The following ROBO2 variants were observed in gnomAD, a reference collection of about 807,000 sequenced individuals.
The protein encoded by ROBO2 is roundabout homolog 2.
In ROBO2, 53 loss-of-function variants were observed where a neutral mutation model predicts 160.8. The ratio of observed to expected loss-of-function variants is 0.33; its 90% CI spans 0.26 to 0.41. The LOEUF is 0.41. Ranked by LOEUF, ROBO2 falls within the 10% of genes least tolerant of loss-of-function variation. The pLI is 1.00. For missense variants in ROBO2, 1,577 were observed against 1,722.4 expected, an observed-to-expected ratio of 0.92 and a Z score of 1.49; for synonymous variants, 664 against 611.7, an observed-to-expected ratio of 1.09 and a Z score of -1.26.
intron 2 of ROBO2, among the ~76,000 whole-genome samples, chr3:75,953,784 G>A (rs1422223318): frequency 1.3e-5 from 2 of 151,822 alleles, no homozygotes; most frequent in Non-Finnish European, 2.9e-5. Context: ...CTCAATTCAA[G>A]AACAGATTAC....
intron 2 of ROBO2, among the ~76,000 whole-genome samples, chr3:76,887,492 G>A (rs906336495): frequency 1.3e-5 from 2 of 152,044 alleles, no homozygotes; most frequent in Admixed American, 6.6e-5. Context: ...TGCATCAAGG[G>A]GGTTGTGCGG....
At chr3:77,541,182 T>C (rs1480530817) in intron 6 of ROBO2, among the ~76,000 whole-genome samples, 1 of 152,208 alleles carries the variant, frequency 6.6e-6, no homozygotes, top group East Asian at 1.9e-4. Flanking sequence ...CATATGAATG[T>C]ACGTAGCTGT....
intron 2 of ROBO2, among the ~76,000 whole-genome samples, chr3:77,153,970 C>T (rs937984688): frequency 2.6e-5 from 4 of 152,004 alleles, no homozygotes; most frequent in African/African-American, 7.2e-5. Context: ...AAGTAGAAAA[C>T]TGTCTCCTTT....
At chr3:76,274,482 A>T (rs1320012432) in intron 2 of ROBO2, among the ~76,000 whole-genome samples, 4 of 152,160 alleles carry the variant, frequency 2.6e-5, no homozygotes, top group Admixed American at 1.3e-4. Flanking sequence ...AATCTGATAT[A>T]TGATTTGCTA....
At chr3:77,625,566 C>T (rs1248788398) in intron 23 of ROBO2, among the ~76,000 whole-genome samples, 2 of 152,060 alleles carry the variant, frequency 1.3e-5, no homozygotes, top group Non-Finnish European at 2.9e-5. Flanking sequence ...TTAGTAGAGA[C>T]GGGGTTTCAC....
chr3:77,220,594 AT>A (rs1367272234), intron 2 of ROBO2, among the ~76,000 whole-genome samples: 1 of 152,142 alleles, frequency 6.6e-6, no homozygotes, highest in Non-Finnish European at 1.5e-5. Flanking sequence ...CTCTAAAAAA[AT>A]AAAGTCATTA....
At chr3:75,926,943 C>T (rs1209422193) in intron 1 of ROBO2, among the ~76,000 whole-genome samples, 3 of 152,184 alleles carry the variant, frequency 2.0e-5, no homozygotes, top group African/African-American at 4.8e-5. Flanking sequence ...AGCATCAGTG[C>T]TTTGACCAGA....
At chr3:76,218,400 A>G (rs1166178288) in intron 2 of ROBO2, among the ~76,000 whole-genome samples, 1 of 152,216 alleles carries the variant, frequency 6.6e-6, no homozygotes, top group African/African-American at 2.4e-5. Flanking sequence ...AAGTGATTGT[A>G]TATCTAGAAA....
intron 2 of ROBO2, among the ~76,000 whole-genome samples, chr3:76,559,268 T>A (rs2084004843): frequency 1.3e-5 from 2 of 152,134 alleles, no homozygotes; most frequent in Admixed American, 1.3e-4. Flanking sequence ...CTTGCAATGA[T>A]GCAATATATT....
At chr3:76,220,750 C>A (rs182446677) in intron 2 of ROBO2, among the ~76,000 whole-genome samples, 10 of 150,722 alleles carry the variant, frequency 6.6e-5, no homozygotes, top group Non-Finnish European at 1.2e-4. Context: ...TTGATGAAAA[C>A]ACACACACAC....
At chr3:76,182,267 C>T (rs547795355) in intron 2 of ROBO2, among the ~76,000 whole-genome samples, 80 of 152,094 alleles carry the variant, frequency 5.3e-4, no homozygotes, top group Non-Finnish European at 9.9e-4. Flanking sequence ...TACAACCTGT[C>T]CCTTAGGATT....
chr3:76,877,262 G>A (rs1249132898), intron 2 of ROBO2, among the ~76,000 whole-genome samples: 1 of 152,130 alleles, frequency 6.6e-6, no homozygotes, highest in Non-Finnish European at 1.5e-5. Flanking sequence ...GAAGTGCTCT[G>A]GTTCTAGTCA....
At chr3:76,849,078 C>T (rs2069067789) in intron 2 of ROBO2, among the ~76,000 whole-genome samples, 1 of 152,092 alleles carries the variant, frequency 6.6e-6, no homozygotes, top group African/African-American at 2.4e-5. Flanking sequence ...TGGCTCTGCA[C>T]CTAAGGCAGT....
chr3:77,201,481 G>A (rs974816515), intron 2 of ROBO2, among the ~76,000 whole-genome samples: 1 of 152,018 alleles, frequency 6.6e-6, no homozygotes, highest in African/African-American at 2.4e-5. Flanking sequence ...TACTCTTTGT[G>A]CCTCTAAATT....
At chr3:76,719,418 C>T (rs2093430848) in intron 2 of ROBO2, among the ~76,000 whole-genome samples, 1 of 152,142 alleles carries the variant, frequency 6.6e-6, no homozygotes, top group Admixed American at 6.5e-5. Context: ...TCACTGCAGC[C>T]TTCAGTTCCA....
intron 1 of ROBO2, among the ~76,000 whole-genome samples, chr3:77,073,109 GC>G (rs1204012069): frequency 1.3e-5 from 2 of 152,136 alleles, no homozygotes; most frequent in African/African-American, 4.8e-5. Flanking sequence ...GAAAACAATT[GC>G]CCTTTAAAAA....
At chr3:76,246,600 C>T (rs1705638234) in intron 2 of ROBO2, among the ~76,000 whole-genome samples, 1 of 152,032 alleles carries the variant, frequency 6.6e-6, no homozygotes, top group African/African-American at 2.4e-5. Context: ...GAATAGGCCA[C>T]CTTAGTATTA....
At chr3:76,719,046 C>T (rs1180241599) in intron 2 of ROBO2, among the ~76,000 whole-genome samples, 9 of 151,982 alleles carry the variant, frequency 5.9e-5, no homozygotes, top group Admixed American at 2.6e-4. Context: ...AAATCACTTA[C>T]GCATTCCCTA....
intron 2 of ROBO2, among the ~76,000 whole-genome samples, chr3:76,302,783 A>G (rs948248247): frequency 9.2e-5 from 14 of 152,178 alleles, no homozygotes; most frequent in African/African-American, 3.4e-4. Flanking sequence ...ATATTCACAC[A>G]ATGATGGGAT....
Sources: gnomAD v4.1 joint callset for allele counts (sites outside exome capture counted in the v4.1 genomes callset) on GRCh38, gnomAD v4.1.1 for gene constraint, MANE v1.5 for transcripts, NCBI Gene and HGNC (gene_info 2026-07-23, HGNC 2026-07-21) for gene names.